Variants in MTFR1 observed in about 807,000 individuals in gnomAD.
MTFR1 encodes chondrocyte protein with a poly-proline region.
MTFR1 carries 28 observed loss-of-function variants against 38.8 expected under a neutral mutation model. The ratio of observed to expected loss-of-function variants is 0.72; its 90% confidence interval spans 0.53 to 0.99. The LOEUF (loss-of-function observed/expected upper bound fraction) is 0.99, where lower values mean the gene tolerates loss of function less well. Among genes scored for constraint, MTFR1 ranks in the 50% least tolerant of loss-of-function variants. MTFR1 has a pLI of 0.00. For missense variants in MTFR1, 358 were observed against 395.5 expected, an observed-to-expected ratio of 0.91 and a Z score of 0.81; for synonymous variants, 145 against 137.0, an observed-to-expected ratio of 1.06 and a Z score of -0.41.
Position 65,695,483 on chromosome 8 carries a change from A to G in MTFR1, c.281+1724A>G, listed in dbSNP as rs184832346. On this transcript the variant is annotated intron_variant, in intron 4 of 7. Transcript: ENST00000262146. Reference sequence around the variant, plus strand: ...TCAATTCTCCTGCCTCAGCCTTCCGAGTAGCTGGGATTCCAGGTGGCTGCC... The same window carrying G: ...TCAATTCTCCTGCCTCAGCCTTCCGGGTAGCTGGGATTCCAGGTGGCTGCC... 7.0e-3 allele frequency among the ~76,000 whole-genome samples: 1,069 copies of G among 152,122 alleles called. 3 individuals are homozygous for G. The highest frequency in any genetic ancestry group is 0.011 in the Non-Finnish European group (775 of 67,992).
intron 3 of MTFR1, among the ~76,000 whole-genome samples, chr8:65,733,846 G>A (rs1807010219): frequency 6.6e-6 from 1 of 152,182 alleles, no homozygotes; most frequent in Non-Finnish European, 1.5e-5. Context: ...GCACAAGCCA[G>A]TTTGGTCATC....
In MTFR1 at chr8:65,693,759, G is replaced by A. The variant is rs147266824; in HGVS notation, c.281G>A (p.Arg94Lys). ...GAAGGAGAGTGTTCAGCAAGACTAA[G>A]GTTAGTTTGGAAGGCTATCAGAACT... Reference protein sequence around the residue: ...KEEGECSARLRTEVRSRPPLQ... With the variant: ...KEEGECSARLKTEVRSRPPLQ... Residue 94 changes from arginine to lysine, a missense_variant and splice_region_variant, in exon 4 of 8, where the codon AGG becomes AAG. Transcript: ENST00000262146. 3.7e-6 allele frequency: 6 copies of A among 1,611,782 alleles called. No individual in the cohort carries two copies. Among genetic ancestry groups the A allele is most frequent in the Non-Finnish European group, 5.1e-6 (6 of 1,178,136 alleles).
intron 2 of MTFR1, among the ~76,000 whole-genome samples, chr8:65,674,222 T>G (rs948152958): frequency 6.6e-6 from 1 of 151,910 alleles, no homozygotes. Flanking sequence ...CGTGAGCCAC[T>G]GCGTCCGTCC....
chr8:65,754,896 C>T (rs1301849510), intron 3 of MTFR1, among the ~76,000 whole-genome samples: 4 of 149,428 alleles, frequency 2.7e-5, no homozygotes, highest in Admixed American at 1.3e-4. Flanking sequence ...ACCCGGGAGG[C>T]GGAGGTTGCA....
chr8:65,734,064 T>C (rs1807021708), intron 3 of MTFR1, among the ~76,000 whole-genome samples: 1 of 152,228 alleles, frequency 6.6e-6, no homozygotes, highest in Non-Finnish European at 1.5e-5. Flanking sequence ...GACTCTTTTA[T>C]GTAACTCTAT....
chr8:65,673,838 G>A (rs1370608520), intron 2 of MTFR1, among the ~76,000 whole-genome samples: 15 of 151,930 alleles, frequency 9.9e-5, no homozygotes, highest in East Asian at 1.9e-4. Flanking sequence ...CCCAGGAGGC[G>A]GAGTTTGCAG....
At chr8:65,667,347 T>G (rs79893383) in intron 1 of MTFR1, among the ~76,000 whole-genome samples, 2 of 92,450 alleles carry the variant, frequency 2.2e-5, no homozygotes, top group African/African-American at 7.7e-5. Flanking sequence ...GTGTATACTG[T>G]TTTTTTTTTT....
At position 65,719,769 on chromosome 8, in the gene MTFR1, T is replaced by A; in HGVS notation, c.*48+288T>A. On this transcript the variant is annotated intron_variant, in intron 3 of 3. Coordinates refer to the MTFR1 transcript ENST00000521247. ...TGGTTATCCTTCTCAGTGGCACAACTACATTCTTCTACTTAAGCAAAAATA... is the reference window on the plus strand; with the variant it reads ...TGGTTATCCTTCTCAGTGGCACAACAACATTCTTCTACTTAAGCAAAAATA... The A allele has an allele frequency of 1.9e-5, 8 of 417,726 alleles. No individual in the cohort carries two copies. In the South Asian group the frequency reaches 2.3e-4, roughly 12 times the overall value. The allele number at this position is 417,726 out of a possible 1,614,324, so 25.9% of individuals were successfully genotyped here.
downstream of MTFR1, chr8:65,710,658 G>GGAATT (rs1439262630): frequency 1.3e-5 from 2 of 151,692 alleles, no homozygotes; most frequent in Non-Finnish European, 2.9e-5. Context: ...TTTTTCAAGT[G>GGAATT]GAATTATATT....
chr8:65,667,290 G>A (rs1179870896), intron 1 of MTFR1, among the ~76,000 whole-genome samples: 1 of 149,414 alleles, frequency 6.7e-6, no homozygotes, highest in Admixed American at 6.7e-5. Context: ...AAAAAAAAAG[G>A]AAAGTTAGAA....
intron 3 of MTFR1, chr8:65,727,185 C>T: frequency 6.3e-7 from 1 of 1,598,790 alleles, no homozygotes; most frequent in Non-Finnish European, 8.6e-7. Context: ...ATAAAGTTGC[C>T]AAGTAATGGT....
chr8:65,743,369 G>C (rs1039441404), intron 3 of MTFR1, among the ~76,000 whole-genome samples: 2 of 152,134 alleles, frequency 1.3e-5, no homozygotes, highest in African/African-American at 4.8e-5. Context: ...GGGCCAAGGT[G>C]GGGGCAGGGA....
At chr8:65,757,073 T>C (rs576965429) in intron 3 of MTFR1, among the ~76,000 whole-genome samples, 80 of 152,278 alleles carry the variant, frequency 5.3e-4, no homozygotes, top group African/African-American at 1.9e-3. Context: ...TGCGGTCCTC[T>C]TGGGTTTTTA....
rs1165277342 is a variant in MTFR1 at position 65,747,734 on chromosome 8, A to C, written c.*49-23213A>C. On this transcript the variant is annotated intron_variant, in intron 3 of 3. Transcript: ENST00000521247. ...ACCACGAAAAAAGCGTGAAGATCTA[A>C]GATATCGCTGGAAACTTAGTAGCCT... 4.3e-6 allele frequency: 7 copies of C among 1,610,368 alleles called. No individual in the cohort carries two copies. The South Asian group carries it at 6.6e-5, about 15-fold the overall frequency.
chr8:65,745,964 G>C (rs74959624), intron 3 of MTFR1, among the ~76,000 whole-genome samples: 5,970 of 147,580 alleles, frequency 0.04, 173 homozygotes, highest in Non-Finnish European at 0.06. Flanking sequence ...CACACTCACT[G>C]TCACCAAGGC....
chr8:65,745,069 A>C (rs1329195770), intron 3 of MTFR1, among the ~76,000 whole-genome samples: 1 of 152,158 alleles, frequency 6.6e-6, no homozygotes, highest in Non-Finnish European at 1.5e-5. Flanking sequence ...GTAGTGGATA[A>C]GTCTAACGAG....
chr8:65,665,522 T>C (rs1461438305), intron 1 of MTFR1, among the ~76,000 whole-genome samples: 1 of 152,242 alleles, frequency 6.6e-6, no homozygotes, highest in Non-Finnish European at 1.5e-5. Context: ...TCTGTCATCT[T>C]AGACTCACCT....
chr8:65,754,685 G>T, intron 3 of MTFR1, among the ~76,000 whole-genome samples: 1 of 149,926 alleles, frequency 6.7e-6, no homozygotes, highest in African/African-American at 2.4e-5. Flanking sequence ...TCTTCCATTA[G>T]GCTGGGCACA....
intron 1 of MTFR1, among the ~76,000 whole-genome samples, chr8:65,648,162 G>A (rs1046897822): frequency 2.4e-4 from 37 of 151,628 alleles, no homozygotes; most frequent in Non-Finnish European, 4.0e-4. Flanking sequence ...GACTACAGGC[G>A]CCCGCCACTA....
Sources: gnomAD v4.1 joint callset for allele counts (sites outside exome capture counted in the v4.1 genomes callset) on GRCh38, gnomAD v4.1.1 for gene constraint, MANE v1.5 for transcripts, NCBI Gene and HGNC (gene_info 2026-07-23, HGNC 2026-07-21) for gene names.